Variants in NT5E observed in about 807,000 individuals in gnomAD.
NT5E encodes 5'-nucleotidase ecto, also known as 5'-nucleotidase.
Under a neutral mutation model 55.1 loss-of-function variants are expected in NT5E, and 53 were observed. That is an observed-to-expected ratio of 0.96 (90% CI 0.77 to 1.21). The LOEUF is 1.21. Among genes scored for constraint, NT5E ranks in the 50% most tolerant of loss-of-function variants. The pLI, the probability that NT5E is intolerant of heterozygous loss-of-function variation, is 0.00. For synonymous variants in NT5E, 270 were observed against 278.4 expected (o/e 0.97, Z 0.30); for missense variants, 683 against 724.3 (o/e 0.94, Z 0.65).
chr6:85,463,057 A>G (rs1769124516), intron 1 of NT5E, among the ~76,000 whole-genome samples: 1 of 152,188 alleles, frequency 6.6e-6, no homozygotes, highest in Non-Finnish European at 1.5e-5. Context: ...AGTTTCTTTC[A>G]TATAAGATCA....
intron 1 of NT5E, among the ~76,000 whole-genome samples, chr6:85,459,507 C>T (rs369826632): frequency 6.6e-6 from 1 of 152,146 alleles, no homozygotes; most frequent in African/African-American, 2.4e-5. Flanking sequence ...TCTTTGTTTC[C>T]CTTCTGACAT....
At chr6:85,456,273 A>G (rs1768989606) in intron 1 of NT5E, among the ~76,000 whole-genome samples, 1 of 152,164 alleles carries the variant, frequency 6.6e-6, no homozygotes, top group Non-Finnish European at 1.5e-5. Context: ...GCATCTCTTC[A>G]CTTGCTTGTT....
intron 1 of NT5E, among the ~76,000 whole-genome samples, chr6:85,460,282 G>A (rs1027972022): frequency 5.9e-5 from 9 of 152,132 alleles, no homozygotes; most frequent in African/African-American, 2.2e-4. Context: ...AATTGATTTA[G>A]TCAGCCTTTC....
At chr6:85,457,995 C>T (rs1582368810) in intron 1 of NT5E, among the ~76,000 whole-genome samples, 1 of 152,172 alleles carries the variant, frequency 6.6e-6, no homozygotes, top group South Asian at 2.1e-4. Flanking sequence ...GAAGAAGACA[C>T]ATCAGACCCT....
At chr6:85,455,887 G>A (rs1317463620) in intron 1 of NT5E, among the ~76,000 whole-genome samples, 32 of 152,186 alleles carry the variant, frequency 2.1e-4, no homozygotes, top group Admixed American at 2.1e-3. Context: ...TGTTCAGTGT[G>A]ACAGTAGAAA....
chr6:85,450,897 C>G lies in NT5E; in HGVS notation c.339+419C>G, dbSNP rs951595817. On this transcript the variant is annotated intron_variant, in intron 1 of 8. Coordinates refer to ENST00000257770, the MANE Select transcript of NT5E (RefSeq NM_002526.4). This position sits in a 1 kb window ranked among gnomAD's most constrained non-coding sequence, Gnocchi z 4.0. ...TATCTCAATCTTATTGAAAGGGAAA[C>G]CGCGTCGAAGAAGCTGAATAAATTA... Among the ~76,000 whole-genome samples the G allele has an allele frequency of 5.9e-5, 9 of 152,222 alleles. No homozygotes were observed. The highest frequency in any genetic ancestry group is 1.0e-4 in the Non-Finnish European group (7 of 68,044).
Position 85,468,499 on chromosome 6 carries a change from G to A in NT5E, c.562+1217G>A, listed in dbSNP as rs1299480140. On this transcript the variant is annotated intron_variant, in intron 2 of 8. Coordinates refer to ENST00000257770, the MANE Select transcript of NT5E (RefSeq NM_002526.4). ...CAAGCTAGGATGCAGGCTCCATGAG[G>A]ACAGAAACCTCTGCTGTCTCACTAT... is the stretch of plus-strand genomic sequence containing the variant. Among the ~76,000 whole-genome samples, 3 of 152,218 alleles carry A rather than the reference G, an allele frequency of 2.0e-5. No homozygotes were observed. The East Asian group carries it at 5.8e-4, about 29-fold the overall frequency.
chr6:85,453,291 C>T (rs956752038), intron 1 of NT5E, among the ~76,000 whole-genome samples: 4 of 152,106 alleles, frequency 2.6e-5, no homozygotes, highest in African/African-American at 9.7e-5. Context: ...AGTGATAACC[C>T]CCATCTTGCA....
chr6:85,471,213 C>T (rs765990212), intron 2 of NT5E, 24 bp from the exon 3 acceptor site: 2 of 1,486,690 alleles, frequency 1.3e-6, no homozygotes, highest in Admixed American at 1.7e-5. Context: ...AATAAATATC[C>T]ATTTTATTTA....
chr6:85,479,164 A>T (rs1490949756), intron 3 of NT5E, among the ~76,000 whole-genome samples: 1 of 152,228 alleles, frequency 6.6e-6, no homozygotes, highest in Non-Finnish European at 1.5e-5. Context: ...ACTGTAATAC[A>T]TATTTTTGTT....
Position 85,490,501 on chromosome 6 carries a change from C to A in NT5E, c.1211-7C>A. The stretch of plus-strand genomic sequence containing the variant: ...TTCCTTCTTGCCTCATCTGTGACTA[C>A]CCTCAGGCACAATTACCTGGGAGAA... On this transcript the variant is annotated splice_polypyrimidine_tract_variant and splice_region_variant and intron_variant, in intron 6 of 8. Transcript: ENST00000257770. 6.2e-7 allele frequency: 1 copy of A among 1,614,192 alleles called. No homozygotes were observed. Among genetic ancestry groups the A allele is most frequent in the Non-Finnish European group, 8.5e-7 (1 of 1,179,996 alleles).
chr6:85,461,407 A>G (rs1470801902), intron 1 of NT5E, among the ~76,000 whole-genome samples: 1 of 152,236 alleles, frequency 6.6e-6, no homozygotes, highest in Non-Finnish European at 1.5e-5. Context: ...AGCCACAGTG[A>G]TAACTTTAGC....
intron 1 of NT5E, among the ~76,000 whole-genome samples, chr6:85,466,222 T>C (rs1421012583): frequency 2.6e-5 from 4 of 152,010 alleles, no homozygotes; most frequent in Non-Finnish European, 5.9e-5. Flanking sequence ...AGACAATGGG[T>C]GGTTTTGTAC....
chr6:85,469,905 C>G (rs1438472403), intron 2 of NT5E, among the ~76,000 whole-genome samples: 1 of 152,230 alleles, frequency 6.6e-6, no homozygotes, highest in Non-Finnish European at 1.5e-5. Context: ...CCTGCTGAAG[C>G]ACACAGACAT....
chr6:85,471,847 G>A (rs1166392306), intron 3 of NT5E, among the ~76,000 whole-genome samples: 1 of 152,132 alleles, frequency 6.6e-6, no homozygotes, highest in African/African-American at 2.4e-5. Context: ...AGGTGGATTT[G>A]ATTTGTAGGT....
Position 85,490,561 on chromosome 6 carries a change from G to T in NT5E, c.1264G>T (p.Asp422Tyr). 2 of 1,614,168 alleles carry T rather than the reference G, an allele frequency of 1.2e-6. No homozygotes were observed. The highest frequency in any genetic ancestry group is 1.7e-6 in the Non-Finnish European group (2 of 1,180,020). Residue 422 changes from aspartate to tyrosine, a missense_variant, in exon 7 of 9, where the codon GAC (aspartate) becomes TAC (tyrosine). By Grantham distance (160) the Asp-to-Tyr change is radical (BLOSUM62 -3). Coordinates refer to ENST00000257770, the MANE Select transcript of NT5E (RefSeq NM_002526.4). ...TGTATTGCCCTTTGGAGGCACATTT[G>T]ACCTAGTCCAGTTAAAAGGTTCCAC... ...AAVLPFGGTF[D>Y]LVQLKGSTLK...
intron 8 of NT5E, among the ~76,000 whole-genome samples, chr6:85,493,351 C>T (rs1769825766): frequency 6.6e-6 from 1 of 152,024 alleles, no homozygotes; most frequent in Admixed American, 6.6e-5. Flanking sequence ...GGGTTCCCAA[C>T]AGAACATGGG....
rs946997135 is a variant in NT5E at position 85,492,171 on chromosome 6, G to A, written c.1555G>A (p.Asp519Asn). ...QMIKDELLRHDSGDQDINVVS... is the reference protein window; with the variant it reads ...QMIKDELLRHNSGDQDINVVS... The stretch of plus-strand genomic sequence containing the variant: ...GATAAAAGATGAATTATTAAGACAT[G>A]ACTCTGGTAAGCATGACTGTCTCTT... Residue 519 changes from aspartate to asparagine, a missense_variant, in exon 8 of 9, where the codon GAC becomes AAC. Physicochemically the swap from Asp to Asn is conservative, Grantham distance 23. Coordinates refer to ENST00000257770, the MANE Select transcript of NT5E (RefSeq NM_002526.4). The A allele has an allele frequency of 1.2e-6, 2 of 1,613,846 alleles. No homozygotes were observed. Among genetic ancestry groups the A allele is most frequent in the Non-Finnish European group, 1.7e-6 (2 of 1,179,876 alleles).
chr6:85,463,959 C>A (rs1425227487), intron 1 of NT5E, among the ~76,000 whole-genome samples: 1 of 151,754 alleles, frequency 6.6e-6, no homozygotes. Context: ...GTTAGTAATT[C>A]TTTCATTCAT....
Sources: gnomAD v4.1 joint callset for allele counts (sites outside exome capture counted in the v4.1 genomes callset) on GRCh38, gnomAD v4.1.1 for gene constraint, Gnocchi (gnomAD v3.1) non-coding constraint, MANE v1.5 for transcripts, NCBI Gene and HGNC (gene_info 2026-07-23, HGNC 2026-07-21) for gene names.